The following PALM2AKAP2 variants were observed in gnomAD, a reference collection of about 807,000 sequenced individuals.
PALM2AKAP2 encodes the protein PALM2 and AKAP2 fusion, also known as PALM2-AKAP2 fusion protein.
A neutral mutation model predicts 71.5 loss-of-function variants in PALM2AKAP2; 37 were observed. The observed-to-expected ratio is 0.52, with a 90% confidence interval of 0.40 to 0.68. PALM2AKAP2 has a LOEUF of 0.68. PALM2AKAP2 is among the 30% of genes least tolerant of loss of function. The probability of loss-of-function intolerance (pLI) is 0.00; values close to 1 mark genes in which losing one functional copy is unlikely to be tolerated. For missense variants in PALM2AKAP2, 1,224 were observed against 1,191.8 expected (o/e 1.03, Z -0.40); for synonymous variants, 468 against 478.8 (o/e 0.98, Z 0.29).
chr9:109,836,872 G>A (rs181783803), intron 1 of PALM2AKAP2, among the ~76,000 whole-genome samples: 6 of 152,286 alleles, frequency 3.9e-5, no homozygotes, highest in East Asian at 1.9e-4. Flanking sequence ...AGGAATGTGC[G>A]ACTATGTGAA....
At chr9:109,900,135 G>A (rs1039518818) in intron 3 of PALM2AKAP2, among the ~76,000 whole-genome samples, 35 of 152,176 alleles carry the variant, frequency 2.3e-4, no homozygotes, top group Admixed American at 5.9e-4. Context: ...CTCTGTAAGC[G>A]TTTCCAGTGG....
chr9:109,946,651 A>G (rs1449240976), intron 6 of PALM2AKAP2: 1 of 138,094 alleles, frequency 7.2e-6, no homozygotes, highest in Non-Finnish European at 1.5e-5. Context: ...CGAGATGTGC[A>G]CTCCAGCCTG....
chr9:110,025,348 G>C, intron 7 of PALM2AKAP2: 4 of 1,155,986 alleles, frequency 3.5e-6, no homozygotes, highest in Non-Finnish European at 5.1e-6. Flanking sequence ...CTTTCCCTTT[G>C]TGTTCGTCAT....
At chr9:109,800,675 G>A (rs1327203076) in intron 1 of PALM2AKAP2, among the ~76,000 whole-genome samples, 1 of 152,194 alleles carries the variant, frequency 6.6e-6, no homozygotes, top group Admixed American at 6.5e-5. Flanking sequence ...GCGTCTACCT[G>A]TCATCTTAGC....
intron 7 of PALM2AKAP2, 135 bp downstream of exon 7, chr9:110,016,174 T>C: frequency 2.4e-6 from 2 of 835,318 alleles, no homozygotes; most frequent in Non-Finnish European, 3.9e-6. Context: ...ACTGAGGTCT[T>C]AGGGAGGCAA....
At chr9:109,686,052 G>A (rs889905465) in intron 1 of PALM2AKAP2, among the ~76,000 whole-genome samples, 2 of 152,108 alleles carry the variant, frequency 1.3e-5, no homozygotes, top group Non-Finnish European at 2.9e-5. Context: ...GTCCATTCAA[G>A]TTTGATAATG....
At chr9:109,827,422 A>C (rs1346700682) in intron 1 of PALM2AKAP2, among the ~76,000 whole-genome samples, 2 of 152,068 alleles carry the variant, frequency 1.3e-5, no homozygotes, top group Non-Finnish European at 2.9e-5. Context: ...CAGCCTCCCC[A>C]ATATGGTGAA....
chr9:109,921,001 T>C (rs1288970361), intron 3 of PALM2AKAP2, among the ~76,000 whole-genome samples: 4 of 152,178 alleles, frequency 2.6e-5, no homozygotes, highest in Non-Finnish European at 5.9e-5. Flanking sequence ...TTTACACAGA[T>C]GTGTGTAGAA....
chr9:109,715,955 G>A (rs1828313768), intron 1 of PALM2AKAP2, among the ~76,000 whole-genome samples: 1 of 152,102 alleles, frequency 6.6e-6, no homozygotes, highest in Admixed American at 6.5e-5. Flanking sequence ...ATTAGACCTG[G>A]TCTTTTCTGC....
chr9:110,028,890 G>A (rs997355410), intron 7 of PALM2AKAP2, among the ~76,000 whole-genome samples: 153 of 151,414 alleles, frequency 1.0e-3, no homozygotes, highest in African/African-American at 3.4e-3. Flanking sequence ...GAAGGGAACC[G>A]CGTAATGTGT....
intron 1 of PALM2AKAP2, among the ~76,000 whole-genome samples, chr9:109,673,985 G>A (rs1440085752): frequency 2.0e-5 from 3 of 151,878 alleles, no homozygotes; most frequent in African/African-American, 7.3e-5. Flanking sequence ...TTGAGTCTAT[G>A]TTTGTCATTT....
intron 1 of PALM2AKAP2, among the ~76,000 whole-genome samples, chr9:109,740,458 T>C (rs1177915101): frequency 6.6e-6 from 1 of 152,124 alleles, no homozygotes; most frequent in East Asian, 1.9e-4. Context: ...AAACAAGCCA[T>C]GTAGCCATTT....
chr9:109,870,863 T>C (rs1340038640), intron 2 of PALM2AKAP2, among the ~76,000 whole-genome samples: 10 of 152,208 alleles, frequency 6.6e-5, no homozygotes, highest in Non-Finnish European at 1.5e-4. Flanking sequence ...AAGTAGAGAA[T>C]ATTAGGAAAT....
chr9:110,088,270 T>C (rs1834617580), intron 1 of PALM2AKAP2, among the ~76,000 whole-genome samples: 1 of 152,152 alleles, frequency 6.6e-6, no homozygotes, highest in African/African-American at 2.4e-5. Context: ...TCATGATTAG[T>C]CTGATTGGTT....
Position 110,014,806 on chromosome 9 carries a change from GTATATATATATATATATATATATA to G in PALM2AKAP2, c.497-1125_497-1102del, listed in dbSNP as rs34408706. Among the ~76,000 whole-genome samples the G allele has an allele frequency of 4.6e-4, 19 of 41,552 alleles. 1 individual carries two copies. The highest frequency in any genetic ancestry group is 2.9e-3 in the East Asian group (3 of 1,024). 27.3% of individuals were successfully genotyped at this position (41,552 alleles called of 152,430 possible). A position where few individuals can be genotyped will look rare whatever the true frequency, so the allele number is the denominator to read the frequency against. ...AAAAAAAAAAAAAAAAAAAAAAAAT[GTATATATATATATATATATATATA>G]TATATATATATATATATATATACAC... On this transcript the variant is annotated intron_variant, in intron 6 of 9. Coordinates refer to the PALM2AKAP2 transcript ENST00000302798.
chr9:110,126,575 A>G (rs1317638458), intron 1 of PALM2AKAP2, among the ~76,000 whole-genome samples: 1 of 152,212 alleles, frequency 6.6e-6, no homozygotes, highest in Non-Finnish European at 1.5e-5. Flanking sequence ...TAGGGCGCTC[A>G]GTATCCCTCA....
Position 109,850,256 on chromosome 9 carries a change from A to T in PALM2AKAP2, c.46-17235A>T, listed in dbSNP as rs190196389. Among the ~76,000 whole-genome samples, 332 of 152,338 alleles carry T rather than the reference A, an allele frequency of 2.2e-3. 3 individuals carry two copies. Among genetic ancestry groups the T allele is most frequent in the Non-Finnish European group, 1.0e-3 (69 of 68,034 alleles). The stretch of plus-strand genomic sequence containing the variant: ...GTGTCATTCATGGAGGTTGCATAAA[A>T]GAAACTCATACCCAGGGATGAGCTT... On this transcript the variant is annotated intron_variant, in intron 1 of 9. Transcript: ENST00000302798.
At chr9:109,870,394 T>C (rs1253987383) in intron 2 of PALM2AKAP2, among the ~76,000 whole-genome samples, 1 of 152,182 alleles carries the variant, frequency 6.6e-6, no homozygotes, top group Non-Finnish European at 1.5e-5. Context: ...TGGAAGTACA[T>C]TCGTGGAGGT....
intron 2 of PALM2AKAP2, 99 bp downstream of exon 8, chr9:110,138,638 C>T: frequency 6.9e-7 from 1 of 1,446,384 alleles, no homozygotes; most frequent in Non-Finnish European, 9.1e-7. Flanking sequence ...CTGTGTGTGT[C>T]TGGAATAAGT....
Sources: gnomAD v4.1 joint callset for allele counts (sites outside exome capture counted in the v4.1 genomes callset) on GRCh38, gnomAD v4.1.1 for gene constraint, MANE v1.5 for transcripts, NCBI Gene and HGNC (gene_info 2026-07-23, HGNC 2026-07-21) for gene names.